Variants in EYS observed in about 807,000 individuals in gnomAD.
EYS encodes the protein EGF-like photoreceptor maintenance factor.
In EYS, 250 loss-of-function variants were observed where a neutral mutation model predicts 282.1. That is an observed-to-expected ratio of 0.89 (90% CI 0.80 to 0.98). The LOEUF (loss-of-function observed/expected upper bound fraction) is 0.98. Ranked by LOEUF, EYS falls within the 50% of genes least tolerant of loss-of-function variation. The probability of loss-of-function intolerance (pLI) is 0.00; values close to 1 mark genes in which losing one functional copy is unlikely to be tolerated. For missense variants in EYS, 4,016 were observed against 3,709.0 expected (o/e 1.08, Z -2.15); for synonymous variants, 1,355 against 1,282.9 (o/e 1.06, Z -1.20).
intron 14 of EYS, among the ~76,000 whole-genome samples, chr6:64,963,838 C>T (rs950246630): frequency 2.6e-5 from 4 of 152,112 alleles, no homozygotes; most frequent in African/African-American, 9.7e-5. Flanking sequence ...ACATACAGCA[C>T]ATATATAAAA....
chr6:64,945,937 AT>A (rs1474842113), intron 14 of EYS, 23 bp from the exon 15 acceptor site: 10 of 1,525,848 alleles, frequency 6.6e-6, no homozygotes, highest in South Asian at 1.2e-5. Context: ...GAAATTATAT[AT>A]TTTTAGGCTA....
chr6:65,481,436 A>C (rs577297311), intron 5 of EYS, among the ~76,000 whole-genome samples: 2 of 152,196 alleles, frequency 1.3e-5, no homozygotes, highest in Non-Finnish European at 2.9e-5. Flanking sequence ...ATAAAGTTTC[A>C]TTAGCATCCT....
chr6:65,056,404 G>C (rs1425290035), intron 13 of EYS, among the ~76,000 whole-genome samples: 1 of 151,848 alleles, frequency 6.6e-6, no homozygotes, highest in Non-Finnish European at 1.5e-5. Flanking sequence ...ACCAGCCTGG[G>C]CAACACAGTG....
chr6:64,555,805 T>C (rs1765216505), intron 26 of EYS, among the ~76,000 whole-genome samples: 1 of 151,952 alleles, frequency 6.6e-6, no homozygotes, highest in South Asian at 2.1e-4. Context: ...ATTGAAAATA[T>C]GTACACCTAT....
intron 2 of EYS, among the ~76,000 whole-genome samples, chr6:65,499,461 T>C (rs886830855): frequency 1.3e-5 from 2 of 152,038 alleles, no homozygotes; most frequent in Admixed American, 6.6e-5. Context: ...TAGTTGATTC[T>C]ACATACCTGA....
intron 19 of EYS, among the ~76,000 whole-genome samples, chr6:64,843,341 G>T (rs574489005): frequency 6.6e-6 from 1 of 152,282 alleles, no homozygotes; most frequent in Non-Finnish European, 1.5e-5. Flanking sequence ...CTGACAGCTT[G>T]CACAGTAGAC....
At chr6:64,617,378 A>C (rs1767306878) in intron 24 of EYS, 40 bp downstream of exon 24, 1 of 1,287,222 alleles carries the variant, frequency 7.8e-7, no homozygotes, top group African/African-American at 1.5e-5. Context: ...ATCAAAGAGA[A>C]TAAAAAATTA....
At chr6:64,521,632 A>T (rs1777740008) in intron 26 of EYS, among the ~76,000 whole-genome samples, 1 of 151,758 alleles carries the variant, frequency 6.6e-6, no homozygotes, top group Non-Finnish European at 1.5e-5. Flanking sequence ...AAGGGCAGAA[A>T]ACTCAAAGAA....
chr6:64,485,366 T>C (rs1020799265), intron 26 of EYS, among the ~76,000 whole-genome samples: 1 of 151,622 alleles, frequency 6.6e-6, no homozygotes, highest in Admixed American at 6.6e-5. Context: ...TAAGACTGCA[T>C]TGAGGATAAT....
intron 2 of EYS, among the ~76,000 whole-genome samples, chr6:65,522,078 T>G (rs573278069): frequency 6.6e-6 from 1 of 152,168 alleles, no homozygotes; most frequent in Non-Finnish European, 1.5e-5. Context: ...TGGTGACGTG[T>G]TATACTTTCA....
In EYS at chr6:65,526,793, A is replaced by G. The variant is rs371084977; in HGVS notation, c.-332-30800T>C. On this transcript the variant is annotated intron_variant, in intron 2 of 42. Coordinates refer to ENST00000503581, the MANE Select transcript of EYS (RefSeq NM_001142800.2). ...TGCACTCCAGCCTGGGCGACAGAGC[A>G]AGACTCTGTCTCAAAAAACAAAATT... 2.5e-3 allele frequency among the ~76,000 whole-genome samples: 383 copies of G among 152,068 alleles called. 1 individual carries two copies. The highest frequency in any genetic ancestry group is 8.7e-3 in the African/African-American group (360 of 41,368).
intron 26 of EYS, among the ~76,000 whole-genome samples, chr6:64,584,882 A>G (rs1289965134): frequency 1.3e-5 from 2 of 152,236 alleles, no homozygotes; most frequent in East Asian, 3.9e-4. Flanking sequence ...TCAACATTTA[A>G]TTTATAATTT....
intron 13 of EYS, among the ~76,000 whole-genome samples, chr6:65,032,428 C>G (rs1484972149): frequency 6.6e-6 from 1 of 152,150 alleles, no homozygotes. Context: ...GGGCAGGTCC[C>G]TCATTGCTTA....
intron 8 of EYS, among the ~76,000 whole-genome samples, chr6:65,372,130 G>T (rs901537919): frequency 6.6e-6 from 1 of 151,680 alleles, no homozygotes; most frequent in South Asian, 2.1e-4. Context: ...CCTTATAGGA[G>T]ATTTAAAAAA....
At chr6:64,107,386 C>T (rs992819523) in intron 31 of EYS, among the ~76,000 whole-genome samples, 1 of 148,218 alleles carries the variant, frequency 6.7e-6, no homozygotes, top group Non-Finnish European at 1.5e-5. Context: ...AGCTGAGGAG[C>T]AAGGAGAGCC....
At chr6:64,837,004 A>G (rs1765402127) in intron 19 of EYS, among the ~76,000 whole-genome samples, 1 of 151,730 alleles carries the variant, frequency 6.6e-6, no homozygotes, top group Admixed American at 6.6e-5. Context: ...AATGAATGGC[A>G]TGGGGGATTT....
intron 22 of EYS, among the ~76,000 whole-genome samples, chr6:64,651,266 A>G (rs1453250921): frequency 6.6e-6 from 1 of 152,214 alleles, no homozygotes; most frequent in Non-Finnish European, 1.5e-5. Flanking sequence ...CAGGAGAAAG[A>G]TGTTATTTTA....
At chr6:63,909,201 A>G (rs547010010) in intron 35 of EYS, among the ~76,000 whole-genome samples, 4 of 152,296 alleles carry the variant, frequency 2.6e-5, no homozygotes, top group South Asian at 4.1e-4. Context: ...AATCCTTAAT[A>G]TATCACCACA....
At chr6:64,867,619 G>A (rs541439190) in intron 19 of EYS, among the ~76,000 whole-genome samples, 1 of 151,476 alleles carries the variant, frequency 6.6e-6, no homozygotes, top group Non-Finnish European at 1.5e-5. Context: ...TCTTATCTTT[G>A]ATGGCAGGAG....
Sources: allele counts gnomAD v4.1 joint callset (sites outside exome capture counted in the v4.1 genomes callset), GRCh38; gene constraint gnomAD v4.1.1; transcripts MANE v1.5; gene names NCBI Gene and HGNC (gene_info 2026-07-23, HGNC 2026-07-21).